Variants in DNAJC10 observed in about 807,000 individuals in gnomAD.
DNAJC10 encodes endoplasmic reticulum disulfide reductase DNAJC10.
DNAJC10 carries 101 observed loss-of-function variants against 115.0 expected under a neutral mutation model. The observed-to-expected ratio is 0.88, with a 90% CI of 0.75 to 1.04. The LOEUF is 1.04. Among genes scored for constraint, DNAJC10 ranks in the 50% least tolerant of loss-of-function variants. The pLI, the probability that DNAJC10 is intolerant of heterozygous loss-of-function variation, is 0.00. For missense variants in DNAJC10, 981 were observed against 928.8 expected (o/e 1.06, Z -0.73); for synonymous variants, 307 against 301.5 (o/e 1.02, Z -0.19).
chr2:182,723,359 TAATCTTATTTTCTACATC>T (rs1286657144), intron 5 of DNAJC10, among the ~76,000 whole-genome samples: 1 of 152,220 alleles, frequency 6.6e-6, no homozygotes, highest in Non-Finnish European at 1.5e-5. Context: ...GGTGGCATTT[TAATCTTATTTTCTACATC>T]ATGCTGGTGA....
chr2:182,734,237 A>G (rs1331246035), intron 10 of DNAJC10, among the ~76,000 whole-genome samples: 1 of 151,386 alleles, frequency 6.6e-6, no homozygotes, highest in Non-Finnish European at 1.5e-5. Flanking sequence ...TTTAGATTAT[A>G]AATTAGTGAC....
At chr2:182,724,372 A>T (rs903894573) in intron 5 of DNAJC10, among the ~76,000 whole-genome samples, 1 of 152,234 alleles carries the variant, frequency 6.6e-6, no homozygotes, top group African/African-American at 2.4e-5. Context: ...AAAATTTAAC[A>T]TTGTAAAAAT....
rs1695040615 is a variant in DNAJC10, at chr2:182,791,044, T to G, written c.*13912T>G. On this transcript the variant is annotated 3_prime_UTR_variant, in exon 24 of 24. Transcript: ENST00000264065. ...ATTTTCAAGTAAATATTTTTTTAAT[T>G]TCTTCATTTGGGATAAAATATTCAC... 2 of 152,148 alleles carry G rather than the reference T, an allele frequency of 1.3e-5. No individual in the cohort carries two copies. 9.4% of individuals were successfully genotyped at this position (152,148 alleles called of 1,614,324 possible). A position where few individuals can be genotyped will look rare whatever the true frequency, so the allele number is the denominator to read the frequency against.
chr2:182,736,219 A>G (rs1305564935), intron 10 of DNAJC10, 30 bp from the exon 11 acceptor site: 1 of 1,540,102 alleles, frequency 6.5e-7, no homozygotes, highest in African/African-American at 1.4e-5. Flanking sequence ...TCCCATTTAC[A>G]ACATGGTTTG....
chr2:182,728,254 C>T (rs771450259), intron 5 of DNAJC10, among the ~76,000 whole-genome samples: 19 of 152,052 alleles, frequency 1.2e-4, no homozygotes, highest in Non-Finnish European at 1.9e-4. Flanking sequence ...TTTCTTGTGC[C>T]GTCACTTTTT....
chr2:182,739,831 A>G lies in DNAJC10; in HGVS notation c.988-468A>G, dbSNP rs563175667. The G allele has an allele frequency of 1.5e-4, 147 of 992,660 alleles. No homozygotes were observed. In the African/African-American group the frequency reaches 2.4e-3, roughly 16 times the overall value. The allele number at this position is 992,660 out of a possible 1,614,324, so 61.5% of individuals were successfully genotyped here. A position where few individuals can be genotyped will look rare whatever the true frequency, so the allele number is the denominator to read the frequency against. On this transcript the variant is annotated intron_variant, in intron 11 of 23. Coordinates refer to ENST00000264065, the MANE Select transcript of DNAJC10 (RefSeq NM_018981.4). ...AAGTTCCTCTTAATTAATCTTAATT[A>G]TTGGTTGGGGAATGAAGTGTCTTTG...
In DNAJC10 at chr2:182,789,978, C is replaced by T. The variant is rs1381016349; in HGVS notation, c.*12846C>T. The T allele has an allele frequency of 6.6e-6, 1 of 152,144 alleles. No individual in the cohort carries two copies. Among genetic ancestry groups the T allele is most frequent in the Non-Finnish European group, 1.5e-5 (1 of 68,034 alleles). The allele number at this position is 152,144 out of a possible 1,614,324, so 9.4% of individuals were successfully genotyped here. On this transcript the variant is annotated 3_prime_UTR_variant, in exon 24 of 24. Coordinates refer to ENST00000264065, the MANE Select transcript of DNAJC10 (RefSeq NM_018981.4). ...AGTTGGTTATTTTACATTCTCATAC[C>T]ATGCTTTGTATTACTTTCCCATTTG...
intron 18 of DNAJC10, among the ~76,000 whole-genome samples, 188 bp downstream of exon 18, chr2:182,756,657 G>T (rs1204554908): frequency 1.3e-5 from 2 of 151,894 alleles, no homozygotes; most frequent in Admixed American, 1.3e-4. Context: ...CCATTTTTGT[G>T]TGTATAGCAT....
At chr2:182,745,810 C>A (rs909604122) in intron 14 of DNAJC10, among the ~76,000 whole-genome samples, 129 of 151,070 alleles carry the variant, frequency 8.5e-4, no homozygotes, top group African/African-American at 3.0e-3. Flanking sequence ...CATATGTATA[C>A]ATGTGCCATG....
At position 182,751,917 on chromosome 2, in the gene DNAJC10, T is replaced by C. The variant is rs1282850743; in HGVS notation, c.1434+132T>C. On this transcript the variant is annotated intron_variant, in intron 15 of 23. Transcript: ENST00000264065. ...ATTCCATTATGGCCACTAATGCATA[T>C]TGCTTTTAAATGAGTGCTAATGTAA... 7 of 1,282,250 alleles carry C rather than the reference T, an allele frequency of 5.5e-6. No homozygotes were observed. The East Asian group carries it at 6.9e-5, about 13-fold the overall frequency. The allele number at this position is 1,282,250 out of a possible 1,614,324, so 79.4% of individuals were successfully genotyped here. A position where few individuals can be genotyped will look rare whatever the true frequency, so the allele number is the denominator to read the frequency against.
At position 182,718,254 on chromosome 2, in the gene DNAJC10, GA is replaced by G; in HGVS notation, c.171del (p.Lys57AsnfsTer4). On this transcript the variant is annotated frameshift_variant, in exon 3 of 24. Transcript: ENST00000264065. LOFTEE classifies it high-confidence loss of function. ...SSREIRQAFK[K>X]LALKLHPDKN... ...GTAGAGAAATAAGACAAGCTTTCAA[GA>G]AATTGGCATTGAAGTTACATCCTGA... is the stretch of plus-strand genomic sequence containing the variant. 6.2e-7 allele frequency: 1 copy of G among 1,611,516 alleles called. No individual in the cohort carries two copies. Among genetic ancestry groups the G allele is most frequent in the Non-Finnish European group, 8.5e-7 (1 of 1,179,292 alleles).
At chr2:182,756,884 C>A (rs1407089530) in intron 18 of DNAJC10, among the ~76,000 whole-genome samples, 1 of 152,112 alleles carries the variant, frequency 6.6e-6, no homozygotes, top group East Asian at 1.9e-4. Context: ...AGTAATCTGC[C>A]CACTTCTGCC....
At position 182,754,886 on chromosome 2, in the gene DNAJC10, A is replaced by G. The variant is rs530598576; in HGVS notation, c.1552-117A>G. 24 of 1,290,194 alleles carry G rather than the reference A, an allele frequency of 1.9e-5. No individual in the cohort carries two copies. In the African/African-American group the frequency reaches 3.5e-4, roughly 19 times the overall value. 79.9% of individuals were successfully genotyped at this position (1,290,194 alleles called of 1,614,324 possible). On this transcript the variant is annotated intron_variant, in intron 16 of 23. Coordinates refer to ENST00000264065, the MANE Select transcript of DNAJC10 (RefSeq NM_018981.4). ...GAGACTAAAATTTTTGTCACCAGAA[A>G]TTTAGAAATGGGTTTTTAAAATCTT... is the stretch of plus-strand genomic sequence containing the variant.
At chr2:182,739,974 TTGA>T (rs1693689875) in intron 11 of DNAJC10, 2 of 998,924 alleles carry the variant, frequency 2.0e-6, no homozygotes, top group South Asian at 4.4e-5. Context: ...GTGGTTTTTC[TTGA>T]TGATTGGGAG....
intron 12 of DNAJC10, among the ~76,000 whole-genome samples, chr2:182,740,597 C>T (rs1042383472): frequency 2.0e-5 from 3 of 152,108 alleles, no homozygotes; most frequent in Non-Finnish European, 4.4e-5. Flanking sequence ...TCTGGAAAAC[C>T]TACTCAGTCC....
intron 17 of DNAJC10, among the ~76,000 whole-genome samples, chr2:182,755,653 G>A (rs927850162): frequency 1.3e-5 from 2 of 152,146 alleles, no homozygotes; most frequent in African/African-American, 2.4e-5. Context: ...GTAGGCTGAA[G>A]CTTTGTTAAA....
At chr2:182,774,349 A>G (rs1170985367) in intron 22 of DNAJC10, among the ~76,000 whole-genome samples, 1 of 152,164 alleles carries the variant, frequency 6.6e-6, no homozygotes, top group Non-Finnish European at 1.5e-5. Context: ...CAGAGCTCAA[A>G]TGCCGTTCTG....
In DNAJC10 at chr2:182,732,658, C is replaced by T. The variant is rs940809368; in HGVS notation, c.849+116C>T. 1.3e-5 allele frequency: 13 copies of T among 1,003,164 alleles called. No individual in the cohort carries two copies. The Admixed American group carries it at 2.5e-4, about 19-fold the overall frequency. The allele number at this position is 1,003,164 out of a possible 1,614,324, so 62.1% of individuals were successfully genotyped here. On this transcript the variant is annotated intron_variant, in intron 10 of 23. Transcript: ENST00000264065. ...AACATTTAACTCACCTATTTGTAAT[C>T]TTATTTTCTGATGACTGTATTCATA...
In DNAJC10 at chr2:182,752,143, G is replaced by A. The variant is rs777359496; in HGVS notation, c.1506G>A (p.Lys502=). 2 of 1,613,578 alleles carry A rather than the reference G, an allele frequency of 1.2e-6. No individual in the cohort carries two copies. Among genetic ancestry groups the A allele is most frequent in the Admixed American group, 1.7e-5 (1 of 59,986 alleles). The change falls in exon 16 of 24, where the codon AAG becomes AAA. Residue 502 remains lysine, a synonymous_variant. Coordinates refer to ENST00000264065, the MANE Select transcript of DNAJC10 (RefSeq NM_018981.4). ...RASNLLYGQL[K]FGTLDCTVHE... ...CAAATCTTCTTTATGGTCAGCTTAA[G>A]TTTGGTACACTAGATTGTACAGTTC...
Sources: gnomAD v4.1 joint callset for allele counts (sites outside exome capture counted in the v4.1 genomes callset) on GRCh38, gnomAD v4.1.1 for gene constraint, MANE v1.5 for transcripts, NCBI Gene and HGNC (gene_info 2026-07-23, HGNC 2026-07-21) for gene names.